Variants in UBXN2A observed in about 807,000 individuals in gnomAD.
The protein encoded by UBXN2A is UBX domain protein 2A, also known as UBX domain-containing protein 2A.
A neutral mutation model predicts 28.4 loss-of-function variants in UBXN2A; 28 were observed. The ratio of observed to expected loss-of-function variants is 0.99; its 90% CI spans 0.73 to 1.35. The LOEUF is 1.35. UBXN2A is among the 40% of genes most tolerant of loss of function. The probability of loss-of-function intolerance (pLI) is 0.00; values close to 1 mark genes in which losing one functional copy is unlikely to be tolerated. For synonymous variants in UBXN2A, 97 were observed against 103.6 expected (o/e 0.94, Z 0.39); for missense variants, 253 against 297.9 (o/e 0.85, Z 1.11).
rs1285240650 is a variant in UBXN2A, at chr2:24,003,575, A to G, written c.*3708A>G. The stretch of plus-strand genomic sequence containing the variant: ...GGGCAGAAGGCTCTTTTAATTAGGA[A>G]GAGAGGGAGGACAAAGGAGAGCCTT... On this transcript the variant is annotated 3_prime_UTR_variant, in exon 7 of 7. Coordinates refer to ENST00000309033, the MANE Select transcript of UBXN2A (RefSeq NM_181713.4). 1 of 152,148 alleles carries G rather than the reference A, an allele frequency of 6.6e-6. No homozygotes were observed. Among genetic ancestry groups the G allele is most frequent in the Non-Finnish European group, 1.5e-5 (1 of 68,038 alleles). The allele number at this position is 152,148 out of a possible 1,614,324, so 9.4% of individuals were successfully genotyped here. A position where few individuals can be genotyped will look rare whatever the true frequency, so the allele number is the denominator to read the frequency against.
chr2:23,971,536 T>C, intron 3 of UBXN2A, 122 bp downstream of exon 3: 1 of 1,084,730 alleles, frequency 9.2e-7, no homozygotes, highest in Non-Finnish European at 1.2e-6. Flanking sequence ...TCACCCAGAC[T>C]GGAGTGCAGT....
intron 2 of UBXN2A, among the ~76,000 whole-genome samples, chr2:23,964,306 G>A (rs1028064492): frequency 6.6e-6 from 1 of 152,004 alleles, no homozygotes; most frequent in Admixed American, 6.6e-5. Context: ...TGCCTCCCAG[G>A]TTCAAGTGAT....
At chr2:23,973,560 A>G (rs1707515474) in intron 3 of UBXN2A, among the ~76,000 whole-genome samples, 1 of 148,394 alleles carries the variant, frequency 6.7e-6, no homozygotes, top group African/African-American at 2.5e-5. Context: ...GGATGGTTTC[A>G]ATCTCCTGAC....
At chr2:23,944,396 C>A in intron 1 of UBXN2A, 1 of 1,322,496 alleles carries the variant, frequency 7.6e-7, no homozygotes, top group Non-Finnish European at 1.1e-6. Flanking sequence ...TTATTGTATT[C>A]ACCCATCTTT....
rs57701448 is a variant in UBXN2A, at chr2:23,951,413, GAT to G, written c.-14-6838_-14-6837del. ...ATTATAATTGATATACAGTAAGATG[GAT>G]ATATATATATATATATATATATATA... On this transcript the variant is annotated intron_variant, in intron 1 of 6. Coordinates refer to ENST00000309033, the MANE Select transcript of UBXN2A (RefSeq NM_181713.4). 5.0e-3 allele frequency among the ~76,000 whole-genome samples: 543 copies of G among 108,816 alleles called. 1 individual carries two copies. The highest frequency in any genetic ancestry group is 6.8e-3 in the African/African-American group (164 of 24,092). The allele number at this position is 108,816 out of a possible 152,430, so 71.4% of individuals were successfully genotyped here.
chr2:23,927,546 T>TAA (rs1397734246), exon 1 of UBXN2A: 2 of 148,752 alleles, frequency 1.3e-5, no homozygotes, highest in Admixed American at 1.4e-4. Flanking sequence ...GTCGCACTTT[T>TAA]CATGCCTGTA....
At chr2:23,994,231 C>T (rs1045953683) in intron 6 of UBXN2A, among the ~76,000 whole-genome samples, 1 of 151,960 alleles carries the variant, frequency 6.6e-6, no homozygotes, top group Admixed American at 6.6e-5. Context: ...TAAAATTTTT[C>T]TCTTTGTTCT....
chr2:23,976,922 A>T, intron 3 of UBXN2A, 47 bp from the exon 4 acceptor site: 1 of 1,496,602 alleles, frequency 6.7e-7, no homozygotes, highest in Non-Finnish European at 9.3e-7. Flanking sequence ...TTTCAATCCT[A>T]CTACATTTTA....
At chr2:23,974,446 C>T (rs1422096365) in intron 3 of UBXN2A, among the ~76,000 whole-genome samples, 6 of 150,596 alleles carry the variant, frequency 4.0e-5, no homozygotes, top group African/African-American at 9.8e-5. Flanking sequence ...CCCGGGTTCA[C>T]ACCATTCTCC....
chr2:23,980,408 G>A (rs749283027), intron 4 of UBXN2A, among the ~76,000 whole-genome samples: 1 of 152,130 alleles, frequency 6.6e-6, no homozygotes, highest in Non-Finnish European at 1.5e-5. Context: ...TACCAGCTAT[G>A]TATGAGGCTT....
intron 2 of UBXN2A, among the ~76,000 whole-genome samples, chr2:23,960,219 G>A (rs543589908): frequency 3.6e-4 from 54 of 152,102 alleles, no homozygotes; most frequent in Admixed American, 9.2e-4. Flanking sequence ...TCGCGCCACT[G>A]CACTCCAGCC....
intron 2 of UBXN2A, among the ~76,000 whole-genome samples, chr2:23,969,422 G>C (rs1396934644): frequency 2.0e-5 from 3 of 151,568 alleles, no homozygotes; most frequent in Non-Finnish European, 4.4e-5. Context: ...GAGTGCAGTG[G>C]TGCAATCTCG....
intron 2 of UBXN2A, among the ~76,000 whole-genome samples, chr2:23,962,413 A>G (rs777624453): frequency 6.6e-6 from 1 of 152,176 alleles, no homozygotes; most frequent in Non-Finnish European, 1.5e-5. Flanking sequence ...TGGAATGGGA[A>G]AAAAATATTT....
At chr2:23,930,767 C>A in intron 1 of UBXN2A, among the ~76,000 whole-genome samples, 1 of 151,870 alleles carries the variant, frequency 6.6e-6, no homozygotes, top group Non-Finnish European at 1.5e-5. Context: ...GCCTATAATC[C>A]CAGAATTTAG....
upstream of UBXN2A, among the ~76,000 whole-genome samples, chr2:23,935,524 C>G (rs776284874): frequency 1.7e-4 from 26 of 152,098 alleles, no homozygotes; most frequent in Non-Finnish European, 2.9e-4. Flanking sequence ...AAATGCAAAT[C>G]AAAACCATAG....
Position 23,966,514 on chromosome 2 carries a change from G to A in UBXN2A, c.42-4762G>A, listed in dbSNP as rs1032682335. ...GTTGCCCAGGCTGGAGTGCGGTGGC[G>A]TGATCTCAGCTCACTGCAAGCTCTG... On this transcript the variant is annotated intron_variant, in intron 2 of 6. Coordinates refer to ENST00000309033, the MANE Select transcript of UBXN2A (RefSeq NM_181713.4). Among the ~76,000 whole-genome samples the A allele has an allele frequency of 3.8e-4, 56 of 147,184 alleles. 1 individual carries two copies. The highest frequency in any genetic ancestry group is 1.7e-3 in the South Asian group (8 of 4,638).
At chr2:23,979,336 C>A (rs1268496483) in intron 4 of UBXN2A, among the ~76,000 whole-genome samples, 1 of 151,676 alleles carries the variant, frequency 6.6e-6, no homozygotes, top group African/African-American at 2.4e-5. Flanking sequence ...CAGAGCGAGA[C>A]TCTGTCTCAA....
At chr2:23,933,835 G>T (rs1052114686) in intron 1 of UBXN2A, among the ~76,000 whole-genome samples, 9 of 152,216 alleles carry the variant, frequency 5.9e-5, no homozygotes, top group African/African-American at 1.4e-4. Flanking sequence ...GTCCTGATTT[G>T]GTGGGTGTAG....
At chr2:23,990,063 C>G (rs939535103) in intron 6 of UBXN2A, among the ~76,000 whole-genome samples, 1 of 152,086 alleles carries the variant, frequency 6.6e-6, no homozygotes, top group African/African-American at 2.4e-5. Flanking sequence ...CCTCCTACCC[C>G]ACATGTAAGC....
Sources: gnomAD v4.1 joint callset for allele counts (sites outside exome capture counted in the v4.1 genomes callset) on GRCh38, gnomAD v4.1.1 for gene constraint, MANE v1.5 for transcripts, NCBI Gene and HGNC (gene_info 2026-07-23, HGNC 2026-07-21) for gene names.